PPP2R2B: variants seen among roughly 807,000 people sequenced by gnomAD.
PPP2R2B encodes the protein serine/threonine-protein phosphatase 2A 55 kDa regulatory subunit B beta isoform.
In PPP2R2B, 5 loss-of-function variants were observed where a neutral mutation model predicts 46.0. The observed-to-expected ratio is 0.11, with a 90% CI of 0.06 to 0.23. The LOEUF (loss-of-function observed/expected upper bound fraction) is 0.23. Among genes scored for constraint, PPP2R2B ranks in the 10% least tolerant of loss-of-function variants. The pLI, the probability that PPP2R2B is intolerant of heterozygous loss-of-function variation, is 1.00. For missense variants in PPP2R2B, 367 were observed against 575.0 expected (o/e 0.64, Z 3.70); for synonymous variants, 215 against 206.7 (o/e 1.04, Z -0.34).
chr5:146,619,330 A>T (rs1773483324), intron 7 of PPP2R2B, among the ~76,000 whole-genome samples: 3 of 151,538 alleles, frequency 2.0e-5, no homozygotes, highest in Admixed American at 2.0e-4. Flanking sequence ...AAATACAAAC[A>T]TTAGCTGGGT....
intron 2 of PPP2R2B, among the ~76,000 whole-genome samples, chr5:146,701,522 G>A (rs1290236080): frequency 2.6e-5 from 4 of 152,166 alleles, no homozygotes; most frequent in African/African-American, 4.8e-5. Flanking sequence ...CCCCACACAG[G>A]CTTCAGTTCT....
At chr5:147,003,968 C>T (rs540614160) in intron 1 of PPP2R2B, among the ~76,000 whole-genome samples, 1 of 152,204 alleles carries the variant, frequency 6.6e-6, no homozygotes, top group South Asian at 2.1e-4. Context: ...CAAAAGTGAG[C>T]CCTGGGCCCT....
At chr5:146,749,264 T>G (rs1242553040) in intron 2 of PPP2R2B, among the ~76,000 whole-genome samples, 1 of 152,234 alleles carries the variant, frequency 6.6e-6, no homozygotes, top group Non-Finnish European at 1.5e-5. Flanking sequence ...AATGCTGTTT[T>G]GAGAGTTCTT....
At chr5:147,043,040 G>A (rs541676858) in intron 1 of PPP2R2B, among the ~76,000 whole-genome samples, 1 of 152,234 alleles carries the variant, frequency 6.6e-6, no homozygotes, top group South Asian at 2.1e-4. Context: ...TTTCTAGGCT[G>A]CAGAATACTA....
At chr5:147,012,415 A>G (rs961645785) in intron 1 of PPP2R2B, among the ~76,000 whole-genome samples, 12 of 151,926 alleles carry the variant, frequency 7.9e-5, no homozygotes, top group African/African-American at 2.2e-4. Flanking sequence ...CTGTGGGATC[A>G]GTGGTGATAT....
At chr5:146,908,085 A>G (rs549589242) in intron 1 of PPP2R2B, among the ~76,000 whole-genome samples, 1 of 152,344 alleles carries the variant, frequency 6.6e-6, no homozygotes, top group South Asian at 2.1e-4. Context: ...ATCAAACTAC[A>G]TGATACCTAT....
intron 2 of PPP2R2B, among the ~76,000 whole-genome samples, chr5:146,832,760 G>A (rs1759039568): frequency 6.6e-6 from 1 of 151,916 alleles, no homozygotes; most frequent in African/African-American, 2.4e-5. Context: ...GCTTACCATT[G>A]TGTTATGATT....
chr5:146,680,030 C>T (rs1320992110), intron 5 of PPP2R2B, among the ~76,000 whole-genome samples: 77 of 149,648 alleles, frequency 5.1e-4, no homozygotes, highest in African/African-American at 1.8e-3. Flanking sequence ...TTTGACCCAG[C>T]CATCCCATTA....
chr5:146,772,945 C>T (rs1754962097), intron 2 of PPP2R2B, among the ~76,000 whole-genome samples: 1 of 152,310 alleles, frequency 6.6e-6, no homozygotes, highest in South Asian at 2.1e-4. Flanking sequence ...GCTCCTCTGC[C>T]TGTAAAGGAC....
At chr5:146,993,569 C>A (rs1026876225) in intron 1 of PPP2R2B, among the ~76,000 whole-genome samples, 7 of 152,136 alleles carry the variant, frequency 4.6e-5, no homozygotes, top group Non-Finnish European at 1.0e-4. Context: ...ATAAGGAGTA[C>A]ACAGTATAAG....
At chr5:146,891,949 T>C (rs1762503438) in intron 1 of PPP2R2B, among the ~76,000 whole-genome samples, 2 of 152,170 alleles carry the variant, frequency 1.3e-5, no homozygotes, top group Non-Finnish European at 2.9e-5. Context: ...GAGTGGGTCT[T>C]AAGACACTAC....
At chr5:147,036,818 CT>C (rs1388489846) in intron 1 of PPP2R2B, among the ~76,000 whole-genome samples, 1 of 152,136 alleles carries the variant, frequency 6.6e-6, no homozygotes, top group Non-Finnish European at 1.5e-5. Context: ...ATTAGAAAGA[CT>C]TTTTGTGAAA....
intron 4 of PPP2R2B, among the ~76,000 whole-genome samples, chr5:146,692,383 T>A (rs1031556528): frequency 2.0e-5 from 3 of 152,098 alleles, no homozygotes; most frequent in African/African-American, 7.2e-5. Context: ...TCTATAGCAT[T>A]AAAACAGAGA....
At chr5:147,046,965 C>T (rs1756572857) in intron 1 of PPP2R2B, among the ~76,000 whole-genome samples, 2 of 152,078 alleles carry the variant, frequency 1.3e-5, no homozygotes, top group Non-Finnish European at 2.9e-5. Context: ...GGACATACTT[C>T]CCAAAGCACA....
At chr5:146,997,590 T>C (rs1336886219) in intron 1 of PPP2R2B, among the ~76,000 whole-genome samples, 1 of 152,176 alleles carries the variant, frequency 6.6e-6, no homozygotes, top group African/African-American at 2.4e-5. Context: ...TCTTGATGCA[T>C]GCCAACATGT....
chr5:146,691,314 T>C (rs1185244101), intron 4 of PPP2R2B, 74 bp from the exon 5 acceptor site: 3 of 1,227,310 alleles, frequency 2.4e-6, no homozygotes, highest in South Asian at 2.5e-5. Flanking sequence ...CTGGGGGCAA[T>C]GGGGAGAGGA....
At position 146,589,594 on chromosome 5, in the gene PPP2R2B, T is replaced by TTAAATA. The variant is rs1295133604; in HGVS notation, c.*347_*352dup. On this transcript the variant is annotated 3_prime_UTR_variant, in exon 10 of 10. Transcript: ENST00000394411. ...TAAAAAAAACTTATCTCTTTTCTCC[T>TTAAATA]TAAATACTACAGACAACCTCATTTT... is the stretch of plus-strand genomic sequence containing the variant. 1 of 191,394 alleles carries TTAAATA rather than the reference T, an allele frequency of 5.2e-6. No individual in the cohort carries two copies. Among genetic ancestry groups the TTAAATA allele is most frequent in the Non-Finnish European group, 1.1e-5 (1 of 93,116 alleles). 11.9% of individuals were successfully genotyped at this position (191,394 alleles called of 1,614,324 possible). A position where few individuals can be genotyped will look rare whatever the true frequency, so the allele number is the denominator to read the frequency against.
chr5:146,806,539 A>G (rs562772380), intron 2 of PPP2R2B, among the ~76,000 whole-genome samples: 4 of 152,354 alleles, frequency 2.6e-5, no homozygotes, highest in African/African-American at 7.2e-5. Flanking sequence ...ATGGTCTGCT[A>G]TGCAGACTGA....
At chr5:146,603,899 TC>T (rs1164499070) in intron 7 of PPP2R2B, among the ~76,000 whole-genome samples, 2 of 152,190 alleles carry the variant, frequency 1.3e-5, no homozygotes, top group Admixed American at 6.5e-5. Flanking sequence ...GACTTCAAAA[TC>T]TTTGTTCTTA....
Sources: allele counts gnomAD v4.1 joint callset (sites outside exome capture counted in the v4.1 genomes callset), GRCh38; gene constraint gnomAD v4.1.1; transcripts MANE v1.5; gene names NCBI Gene and HGNC (gene_info 2026-07-23, HGNC 2026-07-21).